Variants in NXPE3 observed in about 807,000 individuals in gnomAD.
The protein encoded by NXPE3 is NXPE family member 3.
A neutral mutation model predicts 46.1 loss-of-function variants in NXPE3; 26 were observed. The observed-to-expected ratio is 0.56, with a 90% CI of 0.41 to 0.78. The LOEUF (loss-of-function observed/expected upper bound fraction) is 0.78. Among genes scored for constraint, NXPE3 ranks in the 30% least tolerant of loss-of-function variants. The pLI is 0.00. For synonymous variants in NXPE3, 272 were observed against 257.9 expected (o/e 1.05, Z -0.52); for missense variants, 620 against 686.0 (o/e 0.90, Z 1.07).
In NXPE3 at chr3:101,816,791, G is replaced by A. The variant is rs1477589704; in HGVS notation, c.923-4G>A. On this transcript the variant is annotated splice_region_variant and splice_polypyrimidine_tract_variant and intron_variant, in intron 6 of 7. Transcript: ENST00000273347. ...AAATATTTGTTTTTCTTTTTTCTTT[G>A]CAGAAACTAACAGTCTAGAACTATC... 4 of 1,592,298 alleles carry A rather than the reference G, an allele frequency of 2.5e-6. No homozygotes were observed. The highest frequency in any genetic ancestry group is 1.7e-4 in the Middle Eastern group (1 of 5,958).
intron 4 of NXPE3, among the ~76,000 whole-genome samples, chr3:101,790,221 A>G (rs1188344137): frequency 2.0e-5 from 3 of 152,212 alleles, no homozygotes; most frequent in East Asian, 1.9e-4. Flanking sequence ...GGAGTATTCT[A>G]TAAATGTCAG....
chr3:101,821,918 C>G lies in NXPE3; in HGVS notation c.1644C>G (p.Asp548Glu), dbSNP rs1386900828. The G allele has an allele frequency of 6.2e-7, 1 of 1,614,146 alleles. No individual in the cohort carries two copies. Among genetic ancestry groups the G allele is most frequent in the East Asian group, 2.2e-5 (1 of 44,892 alleles). Residue 548 changes from aspartate to glutamate, a missense_variant, in exon 8 of 8, where the codon GAC becomes GAG. Physicochemically the swap from Asp to Glu is conservative, Grantham distance 45. Transcript: ENST00000273347. ...PDEVIVKNQLDMFLSFVCPLE... is the reference protein window; with the variant it reads ...PDEVIVKNQLEMFLSFVCPLE... ...AAGTTATTGTGAAGAACCAGCTGGA[C>G]ATGTTCTTGTCCTTTGTGTGCCCCT...
intron 4 of NXPE3, among the ~76,000 whole-genome samples, chr3:101,796,798 AG>A (rs1417006890): frequency 1.3e-5 from 2 of 152,250 alleles, no homozygotes; most frequent in African/African-American, 4.8e-5. Flanking sequence ...ACAGAATCTA[AG>A]AAGAGCATTA....
chr3:101,788,667 G>C (rs866855500), intron 4 of NXPE3, among the ~76,000 whole-genome samples: 2 of 152,104 alleles, frequency 1.3e-5, no homozygotes, highest in East Asian at 3.8e-4. Context: ...CCAGGTTGGA[G>C]TGCAGTAGCA....
intron 7 of NXPE3, among the ~76,000 whole-genome samples, chr3:101,820,088 A>G (rs1407919742): frequency 6.6e-6 from 1 of 152,222 alleles, no homozygotes; most frequent in Non-Finnish European, 1.5e-5. Flanking sequence ...ATTTCCCCAA[A>G]GAAGTATTTG....
chr3:101,793,869 C>T (rs1264490935), intron 4 of NXPE3, among the ~76,000 whole-genome samples: 1 of 151,782 alleles, frequency 6.6e-6, no homozygotes, highest in African/African-American at 2.4e-5. Context: ...AGTTGTTTTG[C>T]TTTCCTGTGA....
Position 101,821,867 on chromosome 3 carries a change from T to C in NXPE3, c.1593T>C (p.Tyr531=), listed in dbSNP as rs766809681. ...CCTGGGAGATGACCCTGGCCCATTATCTACCGCACAAGCTGCATCCAGATG... is the reference window on the plus strand; with the variant it reads ...CCTGGGAGATGACCCTGGCCCATTACCTACCGCACAAGCTGCATCCAGATG... The part of the protein sequence containing the change: ...VDAWEMTLAH[Y]LPHKLHPDEV... Residue 531 remains tyrosine (Y), a synonymous_variant, in exon 8 of 8, where the codon TAT becomes TAC. Transcript: ENST00000273347. 2 of 1,614,188 alleles carry C rather than the reference T, an allele frequency of 1.2e-6. No homozygotes were observed. The highest frequency in any genetic ancestry group is 3.3e-5 in the Admixed American group (2 of 60,014).
intron 4 of NXPE3, among the ~76,000 whole-genome samples, chr3:101,790,049 C>G (rs1016624763): frequency 3.0e-4 from 46 of 152,066 alleles, no homozygotes; most frequent in Admixed American, 2.9e-3. Flanking sequence ...TTGCAAATAC[C>G]TTTCTGTTAT....
rs1412554516 is a variant in NXPE3 at position 101,826,956 on chromosome 3, C to T, written c.*5002C>T. On this transcript the variant is annotated 3_prime_UTR_variant, in exon 8 of 8. Coordinates refer to ENST00000273347, the MANE Select transcript of NXPE3 (RefSeq NM_145037.4). Reference sequence around the variant, plus strand: ...GCTGAGGTGGGAGAATCGCTTGAACCCGGGAGGTGGAGGTTGCAGTGAGCC... The same window carrying T: ...GCTGAGGTGGGAGAATCGCTTGAACTCGGGAGGTGGAGGTTGCAGTGAGCC... 6.6e-6 allele frequency: 1 copy of T among 152,124 alleles called. No homozygotes were observed. The highest frequency in any genetic ancestry group is 1.9e-4 in the East Asian group (1 of 5,186). 9.4% of individuals were successfully genotyped at this position (152,124 alleles called of 1,614,324 possible). A position where few individuals can be genotyped will look rare whatever the true frequency, so the allele number is the denominator to read the frequency against.
chr3:101,792,637 A>G (rs757882450), intron 4 of NXPE3, among the ~76,000 whole-genome samples: 2 of 152,022 alleles, frequency 1.3e-5, no homozygotes, highest in African/African-American at 4.8e-5. Flanking sequence ...CTGTTTTTGT[A>G]CCAGTACTAT....
In NXPE3 at chr3:101,825,274, T is replaced by G. The variant is rs947805348; in HGVS notation, c.*3320T>G. 2.6e-5 allele frequency: 4 copies of G among 152,222 alleles called. No individual in the cohort carries two copies. The highest frequency in any genetic ancestry group is 9.6e-5 in the African/African-American group (4 of 41,456). The allele number at this position is 152,222 out of a possible 1,614,324, so 9.4% of individuals were successfully genotyped here. A position where few individuals can be genotyped will look rare whatever the true frequency, so the allele number is the denominator to read the frequency against. On this transcript the variant is annotated 3_prime_UTR_variant, in exon 8 of 8. Transcript: ENST00000273347. ...CTTTCATCCCACATCTAATTTGTCT[T>G]TCTTCACTCTGGTGTGGAAATTTTG...
Position 101,824,899 on chromosome 3 carries a change from T to G in NXPE3, c.*2945T>G, listed in dbSNP as rs1055984220. The G allele has an allele frequency of 6.6e-6, 1 of 152,250 alleles. No individual in the cohort carries two copies. The highest frequency in any genetic ancestry group is 1.5e-5 in the Non-Finnish European group (1 of 68,046). 9.4% of individuals were successfully genotyped at this position (152,250 alleles called of 1,614,324 possible). ...ACTTGATTGTGCAAATGATTTCTTA[T>G]GATCTTGTCTGGTTTTCTGTTATTT... is the stretch of plus-strand genomic sequence containing the variant. On this transcript the variant is annotated 3_prime_UTR_variant, in exon 8 of 8. Coordinates refer to ENST00000273347, the MANE Select transcript of NXPE3 (RefSeq NM_145037.4).
At position 101,810,907 on chromosome 3, in the gene NXPE3, C is replaced by T. The variant is rs72937664; in HGVS notation, c.922+3781C>T. Among the ~76,000 whole-genome samples the T allele has an allele frequency of 3.1e-3, 472 of 152,040 alleles. 2 individuals are homozygous for T. The highest frequency in any genetic ancestry group is 0.011 in the African/African-American group (439 of 41,450). On this transcript the variant is annotated intron_variant, in intron 6 of 7. Transcript: ENST00000273347. Reference sequence around the variant, plus strand: ...GCAGTGGTGCGATCCTGGCTCACTGCAAACCTCTGCCTCCTGTGTTCAAGC... The same window carrying T: ...GCAGTGGTGCGATCCTGGCTCACTGTAAACCTCTGCCTCCTGTGTTCAAGC...
intron 7 of NXPE3, 49 bp from the exon 8 acceptor site, chr3:101,821,355 A>T: frequency 6.5e-7 from 1 of 1,528,340 alleles, no homozygotes; most frequent in Non-Finnish European, 9.0e-7. Context: ...ATCAAAATAT[A>T]TGTGCTTGGT....
rs778651334 is a variant in NXPE3, at chr3:101,816,775, T to G, written c.923-20T>G. On this transcript the variant is annotated intron_variant, in intron 6 of 7. Transcript: ENST00000273347. ...TTGGAGGAGAATATTAAAATATTTGTTTTTCTTTTTTCTTTGCAGAAACTA... is the reference window on the plus strand; with the variant it reads ...TTGGAGGAGAATATTAAAATATTTGGTTTTCTTTTTTCTTTGCAGAAACTA... 3 of 1,566,734 alleles carry G rather than the reference T, an allele frequency of 1.9e-6. No individual in the cohort carries two copies. The African/African-American group carries it at 4.1e-5, about 21-fold the overall frequency.
At position 101,801,606 on chromosome 3, in the gene NXPE3, TG is replaced by T; in HGVS notation, c.469del (p.Ala157LeufsTer113). Reference sequence around the variant, plus strand: ...GAATTCACTCCCTCAAGCTGCAGGCTGGGGCTGTGGGCAGGGTGGTGGATTA... The same window carrying T: ...GAATTCACTCCCTCAAGCTGCAGGCTGGGCTGTGGGCAGGGTGGTGGATTA... ...ARIHSLKLQA[G>X]AVGRVVDYQN... On this transcript the variant is annotated frameshift_variant, in exon 5 of 8. Coordinates refer to ENST00000273347, the MANE Select transcript of NXPE3 (RefSeq NM_145037.4). LOFTEE classifies it high-confidence loss of function. 6.2e-7 allele frequency: 1 copy of T among 1,614,218 alleles called. No individual in the cohort carries two copies. The highest frequency in any genetic ancestry group is 2.2e-5 in the East Asian group (1 of 44,894).
chr3:101,819,145 A>G (rs1942133206), intron 7 of NXPE3, among the ~76,000 whole-genome samples: 1 of 152,164 alleles, frequency 6.6e-6, no homozygotes. Flanking sequence ...TAGCTTATCC[A>G]TCTGAGCATT....
At chr3:101,781,506 A>G (rs1053496643) in intron 1 of NXPE3, among the ~76,000 whole-genome samples, 1 of 152,246 alleles carries the variant, frequency 6.6e-6, no homozygotes, top group Non-Finnish European at 1.5e-5. Flanking sequence ...AAGAAGTTAG[A>G]TTGGCCACTA....
intron 4 of NXPE3, among the ~76,000 whole-genome samples, chr3:101,791,956 T>C (rs1475270152): frequency 1.3e-5 from 2 of 152,208 alleles, no homozygotes; most frequent in Non-Finnish European, 2.9e-5. Context: ...GCATCTGTTA[T>C]TTTTTGACTT....
Sources: allele counts gnomAD v4.1 joint callset (sites outside exome capture counted in the v4.1 genomes callset), GRCh38; gene constraint gnomAD v4.1.1; transcripts MANE v1.5; gene names NCBI Gene and HGNC (gene_info 2026-07-23, HGNC 2026-07-21).